Variants in CBLN2 observed in about 807,000 individuals in gnomAD.
CBLN2 encodes the protein cerebellin-2.
A neutral mutation model predicts 15.0 loss-of-function variants in CBLN2; 7 were observed. The ratio of observed to expected loss-of-function variants is 0.47; its 90% confidence interval spans 0.27 to 0.88. The LOEUF (loss-of-function observed/expected upper bound fraction) is 0.88, where lower values mean the gene tolerates loss of function less well. Ranked by LOEUF, CBLN2 falls within the 40% of genes least tolerant of loss-of-function variation. CBLN2 has a pLI of 0.14. For missense variants in CBLN2, 242 were observed against 304.5 expected, an observed-to-expected ratio of 0.79 and a Z score of 1.53; for synonymous variants, 149 against 135.2, an observed-to-expected ratio of 1.10 and a Z score of -0.71.
rs117918985 is a variant in CBLN2, at chr18:72,596,478, T to C, written c.15+41847A>G. Among the ~76,000 whole-genome samples, 45 of 152,286 alleles carry C rather than the reference T, an allele frequency of 3.0e-4. 1 individual carries two copies. In the East Asian group the frequency reaches 8.3e-3, roughly 28 times the overall value. On this transcript the variant is annotated intron_variant, in intron 1 of 2. Transcript: ENST00000581073. ...ACCCACCACAATTTCAGTGTTATAA[T>C]ATTCTGTGTTTTCTGTGTACTCACT... is the stretch of plus-strand genomic sequence containing the variant.
intron 1 of CBLN2, among the ~76,000 whole-genome samples, chr18:72,580,468 T>C (rs2069395633): frequency 6.6e-6 from 1 of 152,152 alleles, no homozygotes; most frequent in South Asian, 2.1e-4. Flanking sequence ...CTCTAAAAAA[T>C]GACTACTTAT....
At chr18:72,636,826 C>A (rs952823723) in intron 1 of CBLN2, among the ~76,000 whole-genome samples, 5 of 152,042 alleles carry the variant, frequency 3.3e-5, no homozygotes, top group Admixed American at 6.6e-5. Context: ...ATTTGTAACA[C>A]CCTGGTATGA....
At chr18:72,570,860 T>C (rs954792670) in intron 1 of CBLN2, among the ~76,000 whole-genome samples, 1 of 152,106 alleles carries the variant, frequency 6.6e-6, no homozygotes, top group African/African-American at 2.4e-5. Context: ...AGCACATCCA[T>C]GAATGACTGC....
At chr18:72,550,651 A>G (rs1023364416) in intron 1 of CBLN2, among the ~76,000 whole-genome samples, 2 of 152,314 alleles carry the variant, frequency 1.3e-5, no homozygotes, top group African/African-American at 2.4e-5. Context: ...AAAAGTTTGT[A>G]TCATGGAAAA....
At chr18:72,541,752 T>G (rs1218949505) in intron 3 of CBLN2, 52 bp downstream of exon 3, 13 of 1,448,742 alleles carry the variant, frequency 9.0e-6, no homozygotes, top group Non-Finnish European at 1.2e-5. Context: ...CGCGCGCAGG[T>G]CCCCGCCCCT....
rs191904173 is a variant in CBLN2, at chr18:72,611,206, G to A, written c.15+27119C>T. Among the ~76,000 whole-genome samples, 13 of 152,256 alleles carry A rather than the reference G, an allele frequency of 8.5e-5. No individual in the cohort carries two copies. The East Asian group carries it at 2.5e-3, about 29-fold the overall frequency. Reference sequence around the variant, plus strand: ...GACTAGTGCTGTGATGAACATATGAGTGCATGTGTCTTCCTGGTAGAAGGT... The same window carrying A: ...GACTAGTGCTGTGATGAACATATGAATGCATGTGTCTTCCTGGTAGAAGGT... On this transcript the variant is annotated intron_variant, in intron 1 of 2. Coordinates refer to the CBLN2 transcript ENST00000581073.
intron 1 of CBLN2, among the ~76,000 whole-genome samples, chr18:72,614,473 G>C (rs2069644277): frequency 6.6e-6 from 1 of 151,872 alleles, no homozygotes; most frequent in African/African-American, 2.4e-5. Flanking sequence ...CAAATTTTTT[G>C]GTGTACATTA....
rs371348555 is a variant in CBLN2 at position 72,569,888 on chromosome 18, C to T, written c.16-31116G>A. Among the ~76,000 whole-genome samples, 8 of 152,190 alleles carry T rather than the reference C, an allele frequency of 5.3e-5. No homozygotes were observed. The South Asian group carries it at 1.5e-3, about 28-fold the overall frequency. On this transcript the variant is annotated intron_variant, in intron 1 of 2. Transcript: ENST00000581073. ...CAAGAGGTTTGGAGGGAACAAACAC[C>T]CAAAATATATCATCAATACAGTGTC...
intron 1 of CBLN2, among the ~76,000 whole-genome samples, chr18:72,598,014 T>A (rs1277196476): frequency 6.6e-5 from 10 of 152,186 alleles, no homozygotes; most frequent in Admixed American, 6.5e-4. Context: ...AGATCCCAGC[T>A]GCCCACTTTG....
chr18:72,626,793 T>G (rs1485997277), intron 1 of CBLN2, among the ~76,000 whole-genome samples: 1 of 152,204 alleles, frequency 6.6e-6, no homozygotes, highest in African/African-American at 2.4e-5. Context: ...CTCTCTGATT[T>G]GATGACCACT....
intron 1 of CBLN2, among the ~76,000 whole-genome samples, chr18:72,614,218 A>G (rs1377836444): frequency 6.6e-6 from 1 of 152,174 alleles, no homozygotes; most frequent in Admixed American, 6.5e-5. Context: ...GAAAATATGC[A>G]TTTCTCTTAA....
At chr18:72,546,375 T>C (rs2069158215), upstream of CBLN2, among the ~76,000 whole-genome samples, 1 of 151,764 alleles carries the variant, frequency 6.6e-6, no homozygotes, top group Non-Finnish European at 1.5e-5. Flanking sequence ...AGGCGGAGCT[T>C]GCAGTGAGCC....
chr18:72,582,065 A>G (rs540101989), intron 1 of CBLN2, among the ~76,000 whole-genome samples: 1 of 152,272 alleles, frequency 6.6e-6, no homozygotes, highest in South Asian at 2.1e-4. Flanking sequence ...CCAAATCTCC[A>G]CAGGGCTATT....
intron 1 of CBLN2, among the ~76,000 whole-genome samples, chr18:72,621,388 T>G (rs1053800132): frequency 6.6e-6 from 1 of 152,218 alleles, no homozygotes; most frequent in East Asian, 1.9e-4. Flanking sequence ...TGTTATATTA[T>G]GTATCAAGAT....
intron 1 of CBLN2, among the ~76,000 whole-genome samples, chr18:72,601,534 G>C (rs1019336238): frequency 6.6e-6 from 1 of 152,120 alleles, no homozygotes; most frequent in Non-Finnish European, 1.5e-5. Context: ...GAGTGGAGGC[G>C]CCTGTTAGCC....
At chr18:72,558,239 C>A (rs374619751) in intron 1 of CBLN2, among the ~76,000 whole-genome samples, 1 of 152,178 alleles carries the variant, frequency 6.6e-6, no homozygotes, top group African/African-American at 2.4e-5. Flanking sequence ...GGGGCTCAGT[C>A]ATGTCTATGT....
chr18:72,610,101 G>T (rs763966356), intron 1 of CBLN2, among the ~76,000 whole-genome samples: 12 of 152,138 alleles, frequency 7.9e-5, no homozygotes, highest in Non-Finnish European at 1.6e-4. Flanking sequence ...TTCCCACCAT[G>T]ACCATCCTAA....
intron 1 of CBLN2, among the ~76,000 whole-genome samples, chr18:72,616,690 A>G (rs2069664874): frequency 6.6e-6 from 1 of 152,202 alleles, no homozygotes; most frequent in African/African-American, 2.4e-5. Context: ...GGTGTAAAAA[A>G]TGACAGACAA....
chr18:72,564,900 GC>G (rs1398999661), intron 1 of CBLN2, among the ~76,000 whole-genome samples: 1 of 152,108 alleles, frequency 6.6e-6, no homozygotes, highest in Non-Finnish European at 1.5e-5. Context: ...TCTAAAAGCA[GC>G]AAAAGAAAAA....
Sources: allele counts gnomAD v4.1 joint callset (sites outside exome capture counted in the v4.1 genomes callset), GRCh38; gene constraint gnomAD v4.1.1; transcripts MANE v1.5; gene names NCBI Gene and HGNC (gene_info 2026-07-23, HGNC 2026-07-21).